Variants in ACAD9 observed in about 807,000 individuals in gnomAD.
The protein encoded by ACAD9 is complex I assembly factor ACAD9, mitochondrial.
Under a neutral mutation model 70.2 loss-of-function variants are expected in ACAD9, and 53 were observed. The observed-to-expected ratio is 0.75, with a 90% confidence interval of 0.61 to 0.95. The LOEUF (loss-of-function observed/expected upper bound fraction) is 0.95, where lower values mean the gene tolerates loss of function less well. ACAD9 is among the 40% of genes least tolerant of loss of function. The pLI is 0.00. For missense variants in ACAD9, 777 were observed against 802.8 expected, an observed-to-expected ratio of 0.97 and a Z score of 0.39; for synonymous variants, 313 against 312.1, an observed-to-expected ratio of 1.00 and a Z score of -0.03.
chr3:128,908,048 G>A, intron 12 of ACAD9, 137 bp from the exon 13 acceptor site: 1 of 842,306 alleles, frequency 1.2e-6, no homozygotes, highest in Non-Finnish European at 2.0e-6. Context: ...CCAGAGCCCT[G>A]CTCCCAGCTA....
intron 2 of ACAD9, 109 bp downstream of exon 2, chr3:128,884,855 G>C (rs1576329725): frequency 1.1e-6 from 1 of 890,010 alleles, no homozygotes; most frequent in African/African-American, 1.7e-5. Flanking sequence ...GGGAGAAATG[G>C]TTTCCACTCA....
At position 128,904,453 on chromosome 3, in the gene ACAD9, T is replaced by C. The variant is rs1162697143; in HGVS notation, c.1097T>C (p.Met366Thr). 6.2e-7 allele frequency: 1 copy of C among 1,614,218 alleles called. No individual in the cohort carries two copies. The highest frequency in any genetic ancestry group is 1.7e-5 in the Admixed American group (1 of 60,034). The part of the protein sequence containing the change: ...MESMTYLTAG[M>T]LDQPGFPDCS... The stretch of plus-strand genomic sequence containing the variant: ...AGTATGACCTACCTCACAGCAGGGA[T>C]GCTGGACCAACCTGGCTTTCCCGAC... The change falls in exon 11 of 18, where the codon ATG becomes ACG. Residue 366 changes from methionine (M) to threonine (T), a missense_variant. Coordinates refer to ENST00000308982, the MANE Select transcript of ACAD9 (RefSeq NM_014049.5).
chr3:128,908,604 T>TTTCTGG, intron 13 of ACAD9: 2 of 544,396 alleles, frequency 3.7e-6, no homozygotes, highest in Non-Finnish European at 6.6e-6. Flanking sequence ...TAAGCCAGTG[T>TTTCTGG]TTCTCTTCTC....
At chr3:128,885,166 G>C (rs1309010908) in intron 2 of ACAD9, among the ~76,000 whole-genome samples, 1 of 152,204 alleles carries the variant, frequency 6.6e-6, no homozygotes, top group African/African-American at 2.4e-5. Flanking sequence ...TAAACAAAGA[G>C]TGATTTGTGG....
At position 128,897,723 on chromosome 3, in the gene ACAD9, C is replaced by T. The variant is rs755960985; in HGVS notation, c.633+13C>T. ...CAATGGCTCCAAGGTAGGGTTCCTT[C>T]CCCATGGCCACATTAGGGTCTCAGT... On this transcript the variant is annotated intron_variant, in intron 6 of 17. Coordinates refer to ENST00000308982, the MANE Select transcript of ACAD9 (RefSeq NM_014049.5). 1.2e-6 allele frequency: 2 copies of T among 1,611,266 alleles called. No homozygotes were observed. Among genetic ancestry groups the T allele is most frequent in the African/African-American group, 1.3e-5 (1 of 74,852 alleles).
intron 4 of ACAD9, among the ~76,000 whole-genome samples, chr3:128,895,977 C>G (rs1216217998): frequency 6.6e-6 from 1 of 152,236 alleles, no homozygotes; most frequent in Non-Finnish European, 1.5e-5. Flanking sequence ...CTTTGTGGCA[C>G]TGGGAGGGCA....
At chr3:128,892,240 A>C (rs1340234286) in intron 2 of ACAD9, among the ~76,000 whole-genome samples, 1 of 152,220 alleles carries the variant, frequency 6.6e-6, no homozygotes, top group African/African-American at 2.4e-5. Flanking sequence ...TCAACAAATT[A>C]TATATTATAA....
chr3:128,880,627 T>A (rs552401159), intron 1 of ACAD9, among the ~76,000 whole-genome samples: 1 of 151,898 alleles, frequency 6.6e-6, no homozygotes, highest in Non-Finnish European at 1.5e-5. Flanking sequence ...CCTCGGGTGA[T>A]CCGCCCACCT....
intron 3 of ACAD9, among the ~76,000 whole-genome samples, chr3:128,894,412 C>T (rs896282891): frequency 2.0e-5 from 3 of 151,944 alleles, no homozygotes; most frequent in Non-Finnish European, 2.9e-5. Context: ...TTAATTGATT[C>T]GATGTGTGTG....
intron 2 of ACAD9, among the ~76,000 whole-genome samples, chr3:128,888,810 T>C (rs1421835620): frequency 6.6e-6 from 1 of 152,000 alleles, no homozygotes; most frequent in Non-Finnish European, 1.5e-5. Context: ...CTGCTTTTTT[T>C]CCTAGTGTTT....
chr3:128,903,673 A>G (rs1274310711), intron 9 of ACAD9, among the ~76,000 whole-genome samples: 1 of 152,178 alleles, frequency 6.6e-6, no homozygotes. Flanking sequence ...GTGAGCCTGC[A>G]CCACCTCTGT....
intron 1 of ACAD9, among the ~76,000 whole-genome samples, chr3:128,881,638 T>C (rs529197069): frequency 1.3e-5 from 2 of 152,208 alleles, no homozygotes; most frequent in Non-Finnish European, 2.9e-5. Flanking sequence ...CTCTCTGTTA[T>C]CAAATTGTGT....
chr3:128,879,845 A>AC lies in ACAD9; in HGVS notation c.150+5dup. On this transcript the variant is annotated splice_donor_region_variant and intron_variant, in intron 1 of 17. Transcript: ENST00000308982. Reference sequence around the variant, plus strand: ...TTTCCTAGGCAAAATCAAGAAGGTAACGCGAGCCCTGGGCGAACCCTTGCT... The same window carrying AC: ...TTTCCTAGGCAAAATCAAGAAGGTAACCGCGAGCCCTGGGCGAACCCTTGCT... 1 of 1,613,944 alleles carries AC rather than the reference A, an allele frequency of 6.2e-7. No individual in the cohort carries two copies. The highest frequency in any genetic ancestry group is 8.5e-7 in the Non-Finnish European group (1 of 1,180,008).
At chr3:128,879,901 A>C (rs764382491) in intron 1 of ACAD9, 60 bp downstream of exon 1, 1 of 1,612,518 alleles carries the variant, frequency 6.2e-7, no homozygotes, top group East Asian at 2.2e-5. Context: ...CCTCAGCTGC[A>C]AGACTGGTGT....
In ACAD9 at chr3:128,910,058, C is replaced by A; in HGVS notation, c.1601C>A (p.Ala534Asp). 1 of 1,613,938 alleles carries A rather than the reference C, an allele frequency of 6.2e-7. No individual in the cohort carries two copies. The highest frequency in any genetic ancestry group is 8.5e-7 in the Non-Finnish European group (1 of 1,180,004). The part of the protein sequence containing the change: ...MEEQLVLKRV[A>D]NILINLYGMT... Reference sequence around the variant, plus strand: ...GAGCAGCTGGTACTGAAGCGGGTGGCCAACATCCTCATCAACCTGTATGGC... The same window carrying A: ...GAGCAGCTGGTACTGAAGCGGGTGGACAACATCCTCATCAACCTGTATGGC... Residue 534 changes from alanine to aspartate, a missense_variant, in exon 16 of 18, where the codon GCC (alanine) becomes GAC (aspartate). Transcript: ENST00000308982.
At chr3:128,906,832 A>G (rs539333313) in intron 12 of ACAD9, among the ~76,000 whole-genome samples, 1 of 152,282 alleles carries the variant, frequency 6.6e-6, no homozygotes, top group Admixed American at 6.5e-5. Context: ...GGTATATGGG[A>G]AGGCTAAAAA....
At chr3:128,880,612 A>G (rs1165121204) in intron 1 of ACAD9, among the ~76,000 whole-genome samples, 3 of 151,664 alleles carry the variant, frequency 2.0e-5, no homozygotes, top group African/African-American at 4.8e-5. Context: ...CTGGTCTAGA[A>G]CTGACCTCGG....
rs867002659 is a variant in ACAD9, at chr3:128,900,507, G to A, written c.809-769G>A. Among the ~76,000 whole-genome samples the A allele has an allele frequency of 4.0e-5, 6 of 151,230 alleles. No individual in the cohort carries two copies. In the Middle Eastern group the frequency reaches 0.014, roughly 353 times the overall value. ...CTCACCTCGGCCTCCCAAAGTGCGT[G>A]AGCCACCGCACCCGGCCTTTTTTTT... On this transcript the variant is annotated intron_variant, in intron 7 of 17. Coordinates refer to ENST00000308982, the MANE Select transcript of ACAD9 (RefSeq NM_014049.5).
rs1414592193 is a variant in ACAD9 at position 128,897,788 on chromosome 3, C to T, written c.633+78C>T. On this transcript the variant is annotated intron_variant, in intron 6 of 17. Coordinates refer to ENST00000308982, the MANE Select transcript of ACAD9 (RefSeq NM_014049.5). ...CCACTGAGTGAGCACTCTCCACACA[C>T]CAGGGATTGTACCTGCTGCTGTAGC... 21 of 1,294,920 alleles carry T rather than the reference C, an allele frequency of 1.6e-5. No homozygotes were observed. In the Admixed American group the frequency reaches 3.0e-4, roughly 19 times the overall value. The allele number at this position is 1,294,920 out of a possible 1,614,324, so 80.2% of individuals were successfully genotyped here.
Sources: allele counts gnomAD v4.1 joint callset (sites outside exome capture counted in the v4.1 genomes callset), GRCh38; gene constraint gnomAD v4.1.1; transcripts MANE v1.5; gene names NCBI Gene and HGNC (gene_info 2026-07-23, HGNC 2026-07-21).